METTL15: variants seen among roughly 807,000 people sequenced by gnomAD.
METTL15 encodes the protein methyltransferase 15, mitochondrial 12S rRNA N4-cytidine, also known as 12S rRNA N(4)-cytidine methyltransferase METTL15.
METTL15 carries 34 observed loss-of-function variants against 38.3 expected under a neutral mutation model. The observed-to-expected ratio is 0.89, with a 90% CI of 0.68 to 1.18. The LOEUF (loss-of-function observed/expected upper bound fraction) is 1.18. Among genes scored for constraint, METTL15 ranks in the 50% most tolerant of loss-of-function variants. The pLI, the probability that METTL15 is intolerant of heterozygous loss-of-function variation, is 0.00. For missense variants in METTL15, 438 were observed against 498.4 expected (o/e 0.88, Z 1.15); for synonymous variants, 162 against 170.9 (o/e 0.95, Z 0.41).
intron 3 of METTL15, among the ~76,000 whole-genome samples, chr11:28,189,486 G>GC (rs201353774): frequency 6.6e-6 from 1 of 150,544 alleles, no homozygotes; most frequent in Admixed American, 6.7e-5. Flanking sequence ...GAATAATGTA[G>GC]TTTTTTTTTA....
At chr11:28,194,084 G>C (rs1173334738) in intron 3 of METTL15, among the ~76,000 whole-genome samples, 1 of 147,154 alleles carries the variant, frequency 6.8e-6, no homozygotes, top group African/African-American at 2.5e-5. Flanking sequence ...TTACTACATA[G>C]TGCCCTCTTT....
At chr11:28,294,311 A>G (rs1356987837) in intron 5 of METTL15, among the ~76,000 whole-genome samples, 1 of 152,184 alleles carries the variant, frequency 6.6e-6, no homozygotes, top group Non-Finnish European at 1.5e-5. Flanking sequence ...TGCAATGCTA[A>G]TCCAAGTGGT....
intron 3 of METTL15, among the ~76,000 whole-genome samples, chr11:28,153,482 A>G (rs1850162630): frequency 6.6e-6 from 1 of 152,120 alleles, no homozygotes; most frequent in African/African-American, 2.4e-5. Context: ...GAACCCATTA[A>G]TATGGAGGGC....
intron 5 of METTL15, among the ~76,000 whole-genome samples, chr11:28,393,025 G>T (rs1044847158): frequency 2.0e-5 from 3 of 152,056 alleles, no homozygotes; most frequent in Non-Finnish European, 2.9e-5. Context: ...CATAACCAGT[G>T]CTATTGGCAA....
chr11:28,251,416 A>T (rs1180188240), intron 4 of METTL15, among the ~76,000 whole-genome samples: 1 of 152,018 alleles, frequency 6.6e-6, no homozygotes, highest in Non-Finnish European at 1.5e-5. Context: ...ATTCCTAAAC[A>T]TTTCTATCCA....
chr11:28,176,981 G>C (rs1191670753), intron 3 of METTL15, among the ~76,000 whole-genome samples: 2 of 152,006 alleles, frequency 1.3e-5, no homozygotes, highest in African/African-American at 4.8e-5. Flanking sequence ...GAAGGCATAA[G>C]TTGATAAACT....
At chr11:28,122,351 GTGTGTGTGTGTGTGTGTGTGTA>G (rs978499132) in intron 3 of METTL15, among the ~76,000 whole-genome samples, 2 of 114,304 alleles carry the variant, frequency 1.7e-5, no homozygotes, top group African/African-American at 3.9e-5. Flanking sequence ...GTGTGTGTGT[GTGTGTGTGTGTGTGTGTGTGTA>G]TATATATATA....
chr11:28,211,722 A>G (rs1337210637), intron 4 of METTL15, among the ~76,000 whole-genome samples: 2 of 152,090 alleles, frequency 1.3e-5, no homozygotes, highest in African/African-American at 4.8e-5. Flanking sequence ...AAAATATTAT[A>G]TGAATGAGTG....
At chr11:28,136,817 AAT>A (rs982596096) in intron 3 of METTL15, among the ~76,000 whole-genome samples, 9 of 152,056 alleles carry the variant, frequency 5.9e-5, no homozygotes, top group African/African-American at 2.2e-4. Context: ...AAATATGTTA[AAT>A]ATATATGTTA....
chr11:28,430,296 C>G (rs1257210376), intron 6 of METTL15, among the ~76,000 whole-genome samples: 1 of 137,752 alleles, frequency 7.3e-6, no homozygotes, highest in African/African-American at 2.6e-5. Flanking sequence ...CCCCCCCGCC[C>G]GGCCAGCCGT....
chr11:28,408,767 T>C (rs1490757432), intron 5 of METTL15, among the ~76,000 whole-genome samples: 1 of 152,168 alleles, frequency 6.6e-6, no homozygotes, highest in Non-Finnish European at 1.5e-5. Flanking sequence ...TTCAAACACA[T>C]GCACACACAC....
chr11:28,508,078 C>A lies in METTL15; in HGVS notation c.*425-18400C>A, dbSNP rs149723110. ...TAACGTCATTTTTTCCCGTCCTGTA[C>A]TACAGTTGTAAAATGCTTGTTCTTC... On this transcript the variant is annotated intron_variant and NMD_transcript_variant, in intron 6 of 7. Transcript: ENST00000532947. 2.8e-4 allele frequency among the ~76,000 whole-genome samples: 42 copies of A among 152,266 alleles called. No homozygotes were observed. In the East Asian group the frequency reaches 5.8e-3, roughly 21 times the overall value.
intron 5 of METTL15, among the ~76,000 whole-genome samples, chr11:28,414,671 C>T (rs1360036125): frequency 4.6e-5 from 7 of 152,136 alleles, no homozygotes; most frequent in African/African-American, 1.7e-4. Flanking sequence ...TTGAGAACTT[C>T]ACAGAACTAT....
At chr11:28,514,978 G>C (rs1269291972) in intron 6 of METTL15, among the ~76,000 whole-genome samples, 2 of 152,126 alleles carry the variant, frequency 1.3e-5, no homozygotes, top group East Asian at 3.8e-4. Flanking sequence ...GGTTATCTGT[G>C]ACATCTTACA....
At chr11:28,455,675 A>G (rs1361608198) in intron 6 of METTL15, among the ~76,000 whole-genome samples, 2 of 152,176 alleles carry the variant, frequency 1.3e-5, no homozygotes, top group Non-Finnish European at 2.9e-5. Context: ...TGTACTAGTC[A>G]TGGTGATACT....
chr11:28,300,545 C>T (rs1856877175), intron 6 of METTL15, among the ~76,000 whole-genome samples: 1 of 152,102 alleles, frequency 6.6e-6, no homozygotes, highest in South Asian at 2.1e-4. Flanking sequence ...AAGACAGGTT[C>T]AAGACTCCAA....
chr11:28,255,024 A>G (rs1854914317), intron 4 of METTL15, among the ~76,000 whole-genome samples: 1 of 152,102 alleles, frequency 6.6e-6, no homozygotes, highest in Non-Finnish European at 1.5e-5. Context: ...TATTTCGGCA[A>G]GGATTGCATC....
At chr11:28,449,677 T>C (rs1367303375) in intron 6 of METTL15, among the ~76,000 whole-genome samples, 1 of 152,052 alleles carries the variant, frequency 6.6e-6, no homozygotes, top group African/African-American at 2.4e-5. Context: ...TAGAATACAG[T>C]GGAAATGACG....
At chr11:28,507,099 G>A (rs1340001650) in intron 6 of METTL15, among the ~76,000 whole-genome samples, 5 of 152,062 alleles carry the variant, frequency 3.3e-5, no homozygotes, top group African/African-American at 4.8e-5. Flanking sequence ...GTCAGCACAC[G>A]CATTGCTGAC....
Sources: allele counts gnomAD v4.1 joint callset (sites outside exome capture counted in the v4.1 genomes callset), GRCh38; gene constraint gnomAD v4.1.1; transcripts MANE v1.5; gene names NCBI Gene and HGNC (gene_info 2026-07-23, HGNC 2026-07-21).